Variants in OR6N2 observed in about 807,000 individuals in gnomAD.
OR6N2 encodes the protein olfactory receptor 6N2.
For synonymous variants in OR6N2, 160 were observed against 138.3 expected, an observed-to-expected ratio of 1.16 and a Z score of -1.10; for missense variants, 399 against 379.7, an observed-to-expected ratio of 1.05 and a Z score of -0.42.
chr1:158,776,058 A>G lies in OR6N2; in HGVS notation c.*624T>C, dbSNP rs375476920. Reference sequence around the variant, plus strand: ...TAAATCCATAAGAATAACTCCGAGTATCTAGGGAGATAGCACGGCAGGACA... The same window carrying G: ...TAAATCCATAAGAATAACTCCGAGTGTCTAGGGAGATAGCACGGCAGGACA... On this transcript the variant is annotated 3_prime_UTR_variant, in exon 2 of 2. Coordinates refer to ENST00000641131, the MANE Select transcript of OR6N2 (RefSeq NM_001005278.2). 2.6e-5 allele frequency: 4 copies of G among 152,218 alleles called. No individual in the cohort carries two copies. The highest frequency in any genetic ancestry group is 9.7e-5 in the African/African-American group (4 of 41,444). 9.4% of individuals were successfully genotyped at this position (152,218 alleles called of 1,614,324 possible).
rs1240006383 is a variant in OR6N2, at chr1:158,775,316, G to A, written c.*1366C>T. On this transcript the variant is annotated 3_prime_UTR_variant, in exon 2 of 2. Transcript: ENST00000641131. ...TTAGGAGGAGTGAACCAAATGAAAT[G>A]TTGGGGAAAAAACGGAGTGAAGATC... 6.6e-6 allele frequency: 1 copy of A among 152,140 alleles called. No individual in the cohort carries two copies. The highest frequency in any genetic ancestry group is 6.5e-5 in the Admixed American group (1 of 15,272). 9.4% of individuals were successfully genotyped at this position (152,140 alleles called of 1,614,324 possible). A position where few individuals can be genotyped will look rare whatever the true frequency, so the allele number is the denominator to read the frequency against.
intron 1 of OR6N2, among the ~76,000 whole-genome samples, chr1:158,779,929 G>A (rs545014186): frequency 6.6e-6 from 1 of 152,308 alleles, no homozygotes; most frequent in East Asian, 1.9e-4. Flanking sequence ...GAGAGCAAAT[G>A]TAGTACTTCA....
At chr1:158,781,109 T>A (rs546813697) in intron 1 of OR6N2, 61 bp downstream of exon 1, 28 of 152,358 alleles carry the variant, frequency 1.8e-4, no homozygotes, top group African/African-American at 6.5e-4. Context: ...AATCCCTTAT[T>A]ATCAGTCCCA....
At chr1:158,778,453 G>T (rs969035908) in intron 1 of OR6N2, among the ~76,000 whole-genome samples, 3 of 152,288 alleles carry the variant, frequency 2.0e-5, no homozygotes, top group Admixed American at 6.5e-5. Context: ...GCATCGAGCA[G>T]CAAGCAGCTC....
intron 1 of OR6N2, among the ~76,000 whole-genome samples, chr1:158,780,300 A>G (rs1657720925): frequency 6.6e-6 from 1 of 151,934 alleles, no homozygotes; most frequent in African/African-American, 2.4e-5. Flanking sequence ...TATGTGTAGA[A>G]CAAGTAAGGC....
chr1:158,779,236 C>A (rs866758625), intron 1 of OR6N2, among the ~76,000 whole-genome samples: 19 of 152,026 alleles, frequency 1.2e-4, no homozygotes, highest in Middle Eastern at 3.2e-3. Flanking sequence ...ATTCACAATG[C>A]AACTTTAAAT....
chr1:158,776,648 G>C lies in OR6N2; in HGVS notation c.*34C>G. 7.8e-7 allele frequency: 1 copy of C among 1,285,076 alleles called. No homozygotes were observed. The highest frequency in any genetic ancestry group is 1.1e-6 in the Non-Finnish European group (1 of 913,164). 79.6% of individuals were successfully genotyped at this position (1,285,076 alleles called of 1,614,324 possible). ...ATTACTCAAGGAACTTTTATGAATT[G>C]AACATTGAGGTGAGAAAGGACATGG... On this transcript the variant is annotated 3_prime_UTR_variant, in exon 2 of 2. Coordinates refer to ENST00000641131, the MANE Select transcript of OR6N2 (RefSeq NM_001005278.2).
In OR6N2 at chr1:158,775,942, A is replaced by G. The variant is rs1345947576; in HGVS notation, c.*740T>C. The G allele has an allele frequency of 6.6e-6, 1 of 152,210 alleles. No individual in the cohort carries two copies. Among genetic ancestry groups the G allele is most frequent in the African/African-American group, 2.4e-5 (1 of 41,456 alleles). 9.4% of individuals were successfully genotyped at this position (152,210 alleles called of 1,614,324 possible). ...AAGTCCAATCCAGGCAGTGTTGATA[A>G]GTAGGAAGTTGAATATATAAATCTA... On this transcript the variant is annotated 3_prime_UTR_variant, in exon 2 of 2. Transcript: ENST00000641131.
In OR6N2 at chr1:158,776,817, T is replaced by C; in HGVS notation, c.819A>G (p.Thr273=). 6.2e-7 allele frequency: 1 copy of C among 1,614,090 alleles called. No individual in the cohort carries two copies. Among genetic ancestry groups the C allele is most frequent in the Middle Eastern group, 1.6e-4 (1 of 6,062 alleles). ...KKSYSLTLDR[T]LAIVYSVLTP... ...TTAGTACGGAGTAAACTATAGCAAG[T>C]GTTCGGTCAAGGGTCAGGGAATAGC... Residue 273 remains threonine (T), a synonymous_variant, in exon 2 of 2, where the codon ACA becomes ACG. Transcript: ENST00000641131.
rs920539253 is a variant in OR6N2 at position 158,775,474 on chromosome 1, C to T, written c.*1208G>A. On this transcript the variant is annotated 3_prime_UTR_variant, in exon 2 of 2. Transcript: ENST00000641131. ...AGGCAGGGAAGAATTCCGTTTATAGCCTTATAAAGTATGGTGAGGCTTTGA... is the reference window on the plus strand; with the variant it reads ...AGGCAGGGAAGAATTCCGTTTATAGTCTTATAAAGTATGGTGAGGCTTTGA... 2.0e-5 allele frequency: 3 copies of T among 152,078 alleles called. No homozygotes were observed. The highest frequency in any genetic ancestry group is 2.4e-5 in the African/African-American group (1 of 41,410). The allele number at this position is 152,078 out of a possible 1,614,324, so 9.4% of individuals were successfully genotyped here.
Position 158,777,522 on chromosome 1 carries a change from G to A in OR6N2, c.114C>T (p.Thr38=). The change falls in exon 2 of 2, where the codon ACC becomes ACT. Residue 38 remains threonine (T), a synonymous_variant. Transcript: ENST00000641131. ...FVLLLLAYLF[T]ICGNMLIFSV... Reference sequence around the variant, plus strand: ...AGAAGATGAGCATGTTACCACAGATGGTGAACAGGTATGCCAATAGCAGCA... The same window carrying A: ...AGAAGATGAGCATGTTACCACAGATAGTGAACAGGTATGCCAATAGCAGCA... 6.2e-7 allele frequency: 1 copy of A among 1,614,084 alleles called. No individual in the cohort carries two copies.
At position 158,776,823 on chromosome 1, in the gene OR6N2, G is replaced by T. The variant is rs1259318127; in HGVS notation, c.813C>A (p.Asp271Glu). 1 of 1,614,120 alleles carries T rather than the reference G, an allele frequency of 6.2e-7. No homozygotes were observed. Among genetic ancestry groups the T allele is most frequent in the East Asian group, 2.2e-5 (1 of 44,872 alleles). The change falls in exon 2 of 2, where the codon GAC becomes GAA. Residue 271 changes from aspartate (D) to glutamate (E), a missense_variant. Asp to Glu is a conservative substitution (Grantham distance 45). Transcript: ENST00000641131. ...RLKKSYSLTL[D>E]RTLAIVYSVL... ...CGGAGTAAACTATAGCAAGTGTTCG[G>T]TCAAGGGTCAGGGAATAGCTCTTCT...
At chr1:158,778,858 C>CAA (rs943148155) in intron 1 of OR6N2, among the ~76,000 whole-genome samples, 5 of 146,872 alleles carry the variant, frequency 3.4e-5, no homozygotes, top group African/African-American at 1.2e-4. Context: ...ACTAAAAATA[C>CAA]AAAAAAAAAA....
At position 158,777,722 on chromosome 1, in the gene OR6N2, C is replaced by G. The variant is rs149039196; in HGVS notation, c.-6-81G>C. On this transcript the variant is annotated intron_variant, in intron 1 of 1. Coordinates refer to ENST00000641131, the MANE Select transcript of OR6N2 (RefSeq NM_001005278.2). ...GCCAAAACTTCATTTCTCTCTCTCT[C>G]TTTTTAACTTAAAAGTAGCACTGAA... The G allele has an allele frequency of 8.8e-6, 7 of 791,598 alleles. No individual in the cohort carries two copies. In the Admixed American group the frequency reaches 1.7e-4, roughly 19 times the overall value. 49.0% of individuals were successfully genotyped at this position (791,598 alleles called of 1,614,324 possible).
rs748777720 is a variant in OR6N2, at chr1:158,776,668, A to C, written c.*14T>G. 8 of 1,483,226 alleles carry C rather than the reference A, an allele frequency of 5.4e-6. No individual in the cohort carries two copies. The African/African-American group carries it at 8.3e-5, about 15-fold the overall frequency. The allele number at this position is 1,483,226 out of a possible 1,614,324, so 91.9% of individuals were successfully genotyped here. ...GAATTGAACATTGAGGTGAGAAAGG[A>C]CATGGGAAGAAAGTCAAAGATGAGC... On this transcript the variant is annotated 3_prime_UTR_variant, in exon 2 of 2. Coordinates refer to ENST00000641131, the MANE Select transcript of OR6N2 (RefSeq NM_001005278.2).
Position 158,776,912 on chromosome 1 carries a change from CA to C in OR6N2, c.723del (p.Cys241TrpfsTer22). ...ATGAGGACCACAGCAAGATGTGAGGCACAGGTAGAAAAGGCCTTCTTTCTTC... is the reference window on the plus strand; with the variant it reads ...ATGAGGACCACAGCAAGATGTGAGGCCAGGTAGAAAAGGCCTTCTTTCTTC... ...ASGRKKAFSTCASHLAVVLIF... is the reference protein window; with the variant it reads ...ASGRKKAFSTXASHLAVVLIF... On this transcript the variant is annotated frameshift_variant, in exon 2 of 2. Transcript: ENST00000641131. LOFTEE classifies it low-confidence loss of function (END_TRUNC). 1.2e-6 allele frequency: 2 copies of C among 1,614,008 alleles called. No individual in the cohort carries two copies. The highest frequency in any genetic ancestry group is 1.7e-6 in the Non-Finnish European group (2 of 1,179,952).
Position 158,776,726 on chromosome 1 carries a change from T to C in OR6N2, c.910A>G (p.Thr304Ala). 1 of 1,612,684 alleles carries C rather than the reference T, an allele frequency of 6.2e-7. No individual in the cohort carries two copies. Among genetic ancestry groups the C allele is most frequent in the Non-Finnish European group, 8.5e-7 (1 of 1,179,266 alleles). Reference protein sequence around the residue: ...NKEIIKAIKRTIFQKGDKASL... With the variant: ...NKEIIKAIKRAIFQKGDKASL... Reference sequence around the variant, plus strand: ...GCTTTATCTCCCTTCTGGAAGATGGTCCTCTTGATAGCTTTAATGATTTCC... The same window carrying C: ...GCTTTATCTCCCTTCTGGAAGATGGCCCTCTTGATAGCTTTAATGATTTCC... The change falls in exon 2 of 2, where the codon ACC becomes GCC. Residue 304 changes from threonine to alanine, a missense_variant. By Grantham distance (58) the Thr-to-Ala change is moderately conservative. Transcript: ENST00000641131.
Position 158,777,152 on chromosome 1 carries a change from G to C in OR6N2, c.484C>G (p.Leu162Val). The C allele has an allele frequency of 6.2e-7, 1 of 1,614,072 alleles. No individual in the cohort carries two copies. Among genetic ancestry groups the C allele is most frequent in the Non-Finnish European group, 8.5e-7 (1 of 1,179,966 alleles). The change falls in exon 2 of 2, where the codon CTT becomes GTT. Residue 162 changes from leucine to valine, a missense_variant. Leu to Val is a conservative substitution (Grantham distance 32). Transcript: ENST00000641131. Reference protein sequence around the residue: ...GFLCPISEVILASQLPFCAYN... With the variant: ...GFLCPISEVIVASQLPFCAYN... ...GCACAAAATGGGAGCTGGGAGGCAA[G>C]GATGACCTCAGAAATGGGACACAGG...
Position 158,776,681 on chromosome 1 carries a change from G to C in OR6N2, c.*1C>G. 1 of 1,572,662 alleles carries C rather than the reference G, an allele frequency of 6.4e-7. No individual in the cohort carries two copies. The highest frequency in any genetic ancestry group is 1.2e-5 in the South Asian group (1 of 86,726). ...AGGTGAGAAAGGACATGGGAAGAAA[G>C]TCAAAGATGAGCAAGACTAGCTTTA... On this transcript the variant is annotated 3_prime_UTR_variant, in exon 2 of 2. Coordinates refer to ENST00000641131, the MANE Select transcript of OR6N2 (RefSeq NM_001005278.2).
Sources: gnomAD v4.1 joint callset for allele counts (sites outside exome capture counted in the v4.1 genomes callset) on GRCh38, gnomAD v4.1.1 for gene constraint, MANE v1.5 for transcripts, NCBI Gene and HGNC (gene_info 2026-07-23, HGNC 2026-07-21) for gene names.